Variants in NAV1 observed in about 807,000 individuals in gnomAD.
NAV1 encodes the protein pore membrane and/or filament interacting like protein 3.
NAV1 carries 18 observed loss-of-function variants against 175.2 expected under a neutral mutation model. That is an observed-to-expected ratio of 0.10 (90% confidence interval 0.07 to 0.15). The LOEUF (loss-of-function observed/expected upper bound fraction) is 0.15, where lower values mean the gene tolerates loss of function less well. Among genes scored for constraint, NAV1 ranks in the 10% least tolerant of loss-of-function variants. NAV1 has a pLI of 1.00. For missense variants in NAV1, 1,731 were observed against 2,436.6 expected (o/e 0.71, Z 6.10); for synonymous variants, 897 against 978.7 (o/e 0.92, Z 1.56).
chr1:201,817,514 T>C (rs532238385), intron 29 of NAV1, among the ~76,000 whole-genome samples: 22 of 152,016 alleles, frequency 1.4e-4, no homozygotes, highest in Admixed American at 1.4e-3. Flanking sequence ...ATACATACAC[T>C]GATGGGGGCC....
At chr1:201,678,717 T>G (rs1022420332) in intron 1 of NAV1, among the ~76,000 whole-genome samples, 1 of 152,078 alleles carries the variant, frequency 6.6e-6, no homozygotes, top group Non-Finnish European at 1.5e-5. Flanking sequence ...TCCCTGCAAA[T>G]TCATTGTTTC....
chr1:201,595,621 G>A (rs1003453442), intron 2 of NAV1, among the ~76,000 whole-genome samples: 7 of 152,242 alleles, frequency 4.6e-5, no homozygotes, highest in African/African-American at 1.7e-4. Flanking sequence ...GGTAGGGGCA[G>A]GCAGGCACAG....
chr1:201,648,424 C>A (rs866594234), exon 1 of NAV1: 3 of 1,229,968 alleles, frequency 2.4e-6, no homozygotes, highest in African/African-American at 1.6e-5. Context: ...CCTATCGCTC[C>A]CCGGCTTCCC....
At chr1:201,655,200 G>A (rs919082903) in intron 1 of NAV1, among the ~76,000 whole-genome samples, 5 of 152,050 alleles carry the variant, frequency 3.3e-5, no homozygotes, top group South Asian at 2.1e-4. Context: ...GCTCCCTACC[G>A]GGGACCCACA....
intron 3 of NAV1, among the ~76,000 whole-genome samples, chr1:201,729,665 G>A (rs774677895): frequency 8.6e-5 from 13 of 151,968 alleles, no homozygotes; most frequent in African/African-American, 1.9e-4. Context: ...CCAGCACTTC[G>A]GGAGGCCGAG....
intron 1 of NAV1, among the ~76,000 whole-genome samples, chr1:201,564,832 T>A (rs1340165551): frequency 6.6e-6 from 1 of 152,234 alleles, no homozygotes; most frequent in East Asian, 1.9e-4. Flanking sequence ...TTCCAGCTCC[T>A]GGAGGCCACC....
chr1:201,712,738 C>A, intron 1 of NAV1, 79 bp from the exon 6 acceptor site: 2 of 977,752 alleles, frequency 2.0e-6, no homozygotes, highest in African/African-American at 1.6e-5. Flanking sequence ...GGGACACTGT[C>A]AATCTCCACT....
chr1:201,772,222 G>T (rs1237241885), intron 3 of NAV1, among the ~76,000 whole-genome samples: 2 of 152,210 alleles, frequency 1.3e-5, no homozygotes, highest in East Asian at 1.9e-4. Flanking sequence ...GATTTTTCTG[G>T]CAAGGAGGAT....
In NAV1 at chr1:201,549,230, CAA is replaced by C. The variant is rs1239991403; in HGVS notation, c.-144+9890_-144+9891del. Among the ~76,000 whole-genome samples, 20 of 149,720 alleles carry C rather than the reference CAA, an allele frequency of 1.3e-4. No homozygotes were observed. In the East Asian group the frequency reaches 3.9e-3, roughly 29 times the overall value. On this transcript the variant is annotated intron_variant, in intron 1 of 33. Coordinates refer to the NAV1 transcript ENST00000685211. ...TTTCTTTCCTTCTTTCTTTTTTTGA[CAA>C]AGTCTCACTCTGTCACCCAGGCTGG... is the stretch of plus-strand genomic sequence containing the variant.
rs1037988003 is a variant in NAV1 at position 201,740,781 on chromosome 1, C to T, written c.1226+22026C>T. Among the ~76,000 whole-genome samples, 1 of 152,052 alleles carries T rather than the reference C, an allele frequency of 6.6e-6. No individual in the cohort carries two copies. Among genetic ancestry groups the T allele is most frequent in the African/African-American group, 2.4e-5 (1 of 41,372 alleles). ...AAGGTGAGGGCAAGGCACAGAGGCTCCTTCATAAAGGGGAAGTGAGTGTAA... is the reference window on the plus strand; with the variant it reads ...AAGGTGAGGGCAAGGCACAGAGGCTTCTTCATAAAGGGGAAGTGAGTGTAA... On this transcript the variant is annotated intron_variant, in intron 3 of 29. Coordinates refer to ENST00000367296, the Ensembl canonical transcript of NAV1. The surrounding 1 kb of genome is among the most constrained non-coding windows in gnomAD (Gnocchi z 4.7).
intron 15 of NAV1, among the ~76,000 whole-genome samples, chr1:201,800,738 A>G (rs1014319370): frequency 6.6e-6 from 1 of 151,338 alleles, no homozygotes; most frequent in African/African-American, 2.4e-5. Context: ...ATATCTGTGT[A>G]TATACAAACA....
chr1:201,600,994 G>C (rs1667495860), intron 2 of NAV1, among the ~76,000 whole-genome samples: 1 of 152,156 alleles, frequency 6.6e-6, no homozygotes, highest in Non-Finnish European at 1.5e-5. Context: ...GATACTCCAG[G>C]TTGTCTCCTG....
intron 1 of NAV1, among the ~76,000 whole-genome samples, chr1:201,692,460 C>T (rs1670991424): frequency 6.6e-6 from 1 of 152,146 alleles, no homozygotes; most frequent in Non-Finnish European, 1.5e-5. Context: ...TATATGTCTG[C>T]CTTTCCAGGG....
At chr1:201,616,344 A>G (rs531319006) in intron 2 of NAV1, among the ~76,000 whole-genome samples, 26 of 152,260 alleles carry the variant, frequency 1.7e-4, no homozygotes, top group African/African-American at 6.0e-4. Context: ...GGGCATGAGG[A>G]GTTCTACCAT....
chr1:201,542,425 A>G (rs1665541123), intron 1 of NAV1, among the ~76,000 whole-genome samples: 1 of 152,142 alleles, frequency 6.6e-6, no homozygotes, highest in South Asian at 2.1e-4. Flanking sequence ...AAAAATAATA[A>G]TTAAAAACAC....
At chr1:201,730,273 T>TC (rs1197576150) in intron 3 of NAV1, among the ~76,000 whole-genome samples, 1 of 152,210 alleles carries the variant, frequency 6.6e-6, no homozygotes, top group Non-Finnish European at 1.5e-5. Flanking sequence ...TAGACATTCT[T>TC]CCCCCCTCCA....
intron 1 of NAV1, among the ~76,000 whole-genome samples, chr1:201,562,063 G>A (rs1032154299): frequency 2.0e-5 from 3 of 152,036 alleles, no homozygotes; most frequent in Non-Finnish European, 4.4e-5. Flanking sequence ...GGAGTGCAGC[G>A]GCACCATCAT....
exon 1 of NAV1, chr1:201,648,555 G>A (rs1669061878): frequency 1.6e-6 from 2 of 1,242,262 alleles, no homozygotes; most frequent in Non-Finnish European, 2.0e-6. Context: ...GGTTTCTTCC[G>A]TCCTCTCTCT....
Position 201,810,410 on chromosome 1 carries a change from T to G in NAV1, c.4562-113T>G. 9.8e-7 allele frequency: 1 copy of G among 1,017,148 alleles called. No homozygotes were observed. The highest frequency in any genetic ancestry group is 1.4e-6 in the Non-Finnish European group (1 of 698,826). The allele number at this position is 1,017,148 out of a possible 1,614,324, so 63.0% of individuals were successfully genotyped here. A position where few individuals can be genotyped will look rare whatever the true frequency, so the allele number is the denominator to read the frequency against. ...GACTCTTATGGAACCATGGGGCAAG[T>G]GGCTCTGAGTTTCTTCAGGGGGCTC... is the stretch of plus-strand genomic sequence containing the variant. On this transcript the variant is annotated intron_variant, in intron 23 of 29. Transcript: ENST00000367296. This position sits in a 1 kb window ranked among gnomAD's most constrained non-coding sequence, Gnocchi z 6.0.
Sources: allele counts gnomAD v4.1 joint callset (sites outside exome capture counted in the v4.1 genomes callset), GRCh38; gene constraint gnomAD v4.1.1; non-coding constraint Gnocchi (gnomAD v3.1); transcripts MANE v1.5; gene names NCBI Gene and HGNC (gene_info 2026-07-23, HGNC 2026-07-21).